Variants in NTNG1 observed in about 807,000 individuals in gnomAD.
NTNG1 encodes netrin G1.
In NTNG1, 16 loss-of-function variants were observed where a neutral mutation model predicts 54.0. The ratio of observed to expected loss-of-function variants is 0.30; its 90% CI spans 0.20 to 0.45. NTNG1 has a LOEUF of 0.45. Among genes scored for constraint, NTNG1 ranks in the 20% least tolerant of loss-of-function variants. The pLI is 1.00. For synonymous variants in NTNG1, 255 were observed against 263.1 expected (o/e 0.97, Z 0.30); for missense variants, 530 against 678.7 (o/e 0.78, Z 2.43).
intron 2 of NTNG1, among the ~76,000 whole-genome samples, chr1:107,170,920 C>T (rs1270258067): frequency 2.0e-5 from 3 of 152,046 alleles, no homozygotes; most frequent in African/African-American, 7.2e-5. Context: ...ATGCATTCTT[C>T]ATATCTTAAT....
chr1:107,187,357 A>G (rs1657541891), intron 2 of NTNG1, among the ~76,000 whole-genome samples: 1 of 152,146 alleles, frequency 6.6e-6, no homozygotes, highest in South Asian at 2.1e-4. Flanking sequence ...CTTTGGGTAT[A>G]AGGTCAGGGA....
At chr1:107,389,399 C>T (rs1672223283) in intron 3 of NTNG1, among the ~76,000 whole-genome samples, 1 of 151,408 alleles carries the variant, frequency 6.6e-6, no homozygotes, top group Admixed American at 6.6e-5. Flanking sequence ...ACAGGCTTCC[C>T]AGAATAGATA....
chr1:107,215,450 G>T (rs1659887037), intron 2 of NTNG1, among the ~76,000 whole-genome samples: 2 of 152,126 alleles, frequency 1.3e-5, no homozygotes, highest in African/African-American at 4.8e-5. Flanking sequence ...GTAAGTGTTT[G>T]TCTTTATTTT....
intron 2 of NTNG1, among the ~76,000 whole-genome samples, chr1:107,191,851 T>G (rs1282309599): frequency 7.9e-5 from 12 of 152,228 alleles, no homozygotes; most frequent in Admixed American, 3.3e-4. Flanking sequence ...TAGTTTGAAG[T>G]CAGGTAGCAT....
chr1:107,342,067 A>T (rs1196132771), intron 3 of NTNG1, among the ~76,000 whole-genome samples: 3 of 152,142 alleles, frequency 2.0e-5, no homozygotes, highest in Non-Finnish European at 4.4e-5. Context: ...ATTTAAAATT[A>T]GTCACTATAA....
chr1:107,363,974 G>T (rs1475837171), intron 3 of NTNG1, among the ~76,000 whole-genome samples: 3 of 152,172 alleles, frequency 2.0e-5, no homozygotes, highest in Admixed American at 6.6e-5. Flanking sequence ...ATTTTCTGAT[G>T]CTGCACAGTG....
chr1:107,173,628 G>A (rs1343406340), intron 2 of NTNG1, among the ~76,000 whole-genome samples: 2 of 152,014 alleles, frequency 1.3e-5, no homozygotes, highest in African/African-American at 2.4e-5. Flanking sequence ...CTGGTGAAAG[G>A]AGTGTGAGGT....
intron 3 of NTNG1, among the ~76,000 whole-genome samples, chr1:107,359,552 T>C (rs1670138802): frequency 6.6e-6 from 1 of 152,116 alleles, no homozygotes; most frequent in Non-Finnish European, 1.5e-5. Flanking sequence ...TGAGACTTGA[T>C]TGAGAGTAGG....
chr1:107,167,754 C>T (rs1006690636), intron 2 of NTNG1, among the ~76,000 whole-genome samples: 1 of 151,854 alleles, frequency 6.6e-6, no homozygotes, highest in African/African-American at 2.4e-5. Flanking sequence ...TGAATGAAAG[C>T]GTGAGTAGAT....
At chr1:107,268,208 A>C (rs559920107) in intron 2 of NTNG1, among the ~76,000 whole-genome samples, 1 of 152,318 alleles carries the variant, frequency 6.6e-6, no homozygotes, top group South Asian at 2.1e-4. Context: ...TGTTTACAAC[A>C]AAACTCCTGG....
intron 2 of NTNG1, among the ~76,000 whole-genome samples, chr1:107,223,808 G>A (rs1660507199): frequency 6.6e-6 from 1 of 152,160 alleles, no homozygotes; most frequent in Non-Finnish European, 1.5e-5. Context: ...AGAGAAGGTA[G>A]AGGTGTTGTC....
chr1:107,230,805 T>C (rs1047159879), intron 2 of NTNG1, among the ~76,000 whole-genome samples: 3 of 151,760 alleles, frequency 2.0e-5, no homozygotes, highest in Non-Finnish European at 4.4e-5. Flanking sequence ...AAATGTAGAG[T>C]AGTTGACATT....
intron 2 of NTNG1, among the ~76,000 whole-genome samples, chr1:107,318,301 G>A (rs1040949365): frequency 1.3e-5 from 2 of 151,938 alleles, no homozygotes; most frequent in Non-Finnish European, 1.5e-5. Context: ...TAGCCATCTC[G>A]GTTATCAGGT....
At chr1:107,399,942 T>C (rs1375811813) in intron 4 of NTNG1, among the ~76,000 whole-genome samples, 1 of 152,156 alleles carries the variant, frequency 6.6e-6, no homozygotes, top group South Asian at 2.1e-4. Context: ...ATTCCCCTTC[T>C]ATTAGTCTTT....
intron 2 of NTNG1, among the ~76,000 whole-genome samples, chr1:107,291,198 A>G (rs779112960): frequency 6.6e-6 from 1 of 151,826 alleles, no homozygotes; most frequent in Non-Finnish European, 1.5e-5. Flanking sequence ...ATGATGATCC[A>G]TGTCTGCTTA....
intron 6 of NTNG1, among the ~76,000 whole-genome samples, chr1:107,431,580 C>G (rs1353298316): frequency 6.6e-6 from 1 of 152,076 alleles, no homozygotes; most frequent in Non-Finnish European, 1.5e-5. Flanking sequence ...ACTTTCCCTT[C>G]CCTCCCCACC....
intron 4 of NTNG1, among the ~76,000 whole-genome samples, chr1:107,405,235 A>G (rs1250089390): frequency 1.3e-5 from 2 of 152,212 alleles, no homozygotes; most frequent in Non-Finnish European, 2.9e-5. Flanking sequence ...ATTTTAAAAT[A>G]TAGTAGTGGA....
intron 7 of NTNG1, among the ~76,000 whole-genome samples, chr1:107,455,126 C>T (rs772809264): frequency 2.0e-5 from 3 of 151,180 alleles, no homozygotes; most frequent in African/African-American, 7.3e-5. Context: ...TGCAATGGGG[C>T]GATCTCAGCT....
At chr1:107,410,507 T>C (rs1673729341) in intron 5 of NTNG1, 1 of 152,184 alleles carries the variant, frequency 6.6e-6, no homozygotes, top group Non-Finnish European at 1.5e-5. Context: ...GTCATTCTGA[T>C]CTGCTTTGGC....
Sources: allele counts gnomAD v4.1 joint callset (sites outside exome capture counted in the v4.1 genomes callset), GRCh38; gene constraint gnomAD v4.1.1; transcripts MANE v1.5; gene names NCBI Gene and HGNC (gene_info 2026-07-23, HGNC 2026-07-21).